The following MYPN variants were observed in gnomAD, a reference collection of about 807,000 sequenced individuals.
The protein encoded by MYPN is myopalladin, also known as sarcomeric protein myopalladin, 145 kDa (MYOP).
In MYPN, 63 loss-of-function variants were observed where a neutral mutation model predicts 129.4. The observed-to-expected ratio is 0.49, with a 90% confidence interval of 0.40 to 0.60. The LOEUF is 0.60. Among genes scored for constraint, MYPN ranks in the 20% least tolerant of loss-of-function variants. The probability of loss-of-function intolerance (pLI) is 0.00; values close to 1 mark genes in which losing one functional copy is unlikely to be tolerated. For missense variants in MYPN, 1,596 were observed against 1,635.4 expected (o/e 0.98, Z 0.42); for synonymous variants, 629 against 600.9 (o/e 1.05, Z -0.68).
At chr10:68,104,891 C>T (rs576667794), upstream of MYPN, among the ~76,000 whole-genome samples, 52 of 152,216 alleles carry the variant, frequency 3.4e-4, no homozygotes, top group Non-Finnish European at 6.5e-4. Context: ...TCAAGTGATT[C>T]TCCTGTCTCA....
At chr10:68,130,836 T>C (rs2042399105) in intron 2 of MYPN, among the ~76,000 whole-genome samples, 1 of 152,214 alleles carries the variant, frequency 6.6e-6, no homozygotes. Context: ...CCCATTTTCA[T>C]TTTTTAAGAT....
rs115247459 is a variant in MYPN at position 68,112,324 on chromosome 10, G to A, written c.-2+2601G>A. Reference sequence around the variant, plus strand: ...TCTGGCTGCAGTGTCTTTCACTAGCGCTTCCCTACATGTTTGTCATCCTCT... The same window carrying A: ...TCTGGCTGCAGTGTCTTTCACTAGCACTTCCCTACATGTTTGTCATCCTCT... On this transcript the variant is annotated intron_variant, in intron 1 of 19. Transcript: ENST00000358913. 7.0e-3 allele frequency among the ~76,000 whole-genome samples: 1,067 copies of A among 152,166 alleles called. 10 individuals carry two copies. Among genetic ancestry groups the A allele is most frequent in the African/African-American group, 0.024 (1,006 of 41,522 alleles).
Position 68,139,781 on chromosome 10 carries a change from A to G in MYPN, c.903-3159A>G, listed in dbSNP as rs369041694. On this transcript the variant is annotated intron_variant, in intron 2 of 19. Coordinates refer to ENST00000358913, the MANE Select transcript of MYPN (RefSeq NM_032578.4). ...AACTGTGAATTTTTTCCATCATTCA[A>G]TCTTTCAACAAACCCATCAAACACT... is the stretch of plus-strand genomic sequence containing the variant. Among the ~76,000 whole-genome samples, 105 of 152,308 alleles carry G rather than the reference A, an allele frequency of 6.9e-4. No individual in the cohort carries two copies. In the Middle Eastern group the frequency reaches 0.014, roughly 20 times the overall value.
chr10:68,188,775 T>C (rs1225736902), intron 12 of MYPN, 130 bp from the exon 13 acceptor site: 1 of 785,786 alleles, frequency 1.3e-6, no homozygotes, highest in East Asian at 2.7e-5. Flanking sequence ...ATCTGGAACA[T>C]ACCTGGTTCA....
At chr10:68,143,900 A>G (rs1468158309) in intron 3 of MYPN, among the ~76,000 whole-genome samples, 1 of 152,122 alleles carries the variant, frequency 6.6e-6, no homozygotes, top group Non-Finnish European at 1.5e-5. Context: ...GATTACAGGC[A>G]TGCGCCACCA....
intron 11 of MYPN, 44 bp from the exon 12 acceptor site, chr10:68,175,279 C>A (rs369741454): frequency 1.1e-5 from 17 of 1,611,490 alleles, no homozygotes; most frequent in Non-Finnish European, 1.4e-5. Context: ...TTTACCCTGG[C>A]CAGTGCTTTT....
intron 10 of MYPN, among the ~76,000 whole-genome samples, chr10:68,172,808 C>G (rs1376554075): frequency 6.6e-6 from 1 of 151,978 alleles, no homozygotes. Flanking sequence ...CACGGTGGCT[C>G]GCGCCTGTAA....
At chr10:68,090,837 A>C (rs2041927418) in intron 1 of MYPN, among the ~76,000 whole-genome samples, 1 of 152,148 alleles carries the variant, frequency 6.6e-6, no homozygotes, top group Non-Finnish European at 1.5e-5. Flanking sequence ...TGACTGTCAT[A>C]AGACCTTGGA....
At position 68,155,005 on chromosome 10, in the gene MYPN, C is replaced by T. The variant is rs1157713446; in HGVS notation, c.1318-3481C>T. On this transcript the variant is annotated intron_variant, in intron 6 of 19. Coordinates refer to ENST00000358913, the MANE Select transcript of MYPN (RefSeq NM_032578.4). The stretch of plus-strand genomic sequence containing the variant: ...GACCAGCCTGACCAAGATGGCAAAA[C>T]CCCGTCTCTAACTAAAAACACAAAA... 2.0e-5 allele frequency among the ~76,000 whole-genome samples: 3 copies of T among 151,914 alleles called. No individual in the cohort carries two copies. The East Asian group carries it at 5.8e-4, about 29-fold the overall frequency.
chr10:68,152,981 A>T (rs10997952), intron 6 of MYPN, among the ~76,000 whole-genome samples: 14,203 of 62,208 alleles, frequency 0.23, 1,016 homozygotes, highest in African/African-American at 0.3. Context: ...TATTTTATTT[A>T]TTTTATTTTA....
At chr10:68,184,510 C>T (rs1352916470) in intron 12 of MYPN, among the ~76,000 whole-genome samples, 1 of 152,178 alleles carries the variant, frequency 6.6e-6, no homozygotes, top group Non-Finnish European at 1.5e-5. Context: ...CTCACTACAA[C>T]CTCTGCCTCC....
intron 16 of MYPN, among the ~76,000 whole-genome samples, chr10:68,198,214 A>G (rs1309893412): frequency 6.6e-6 from 1 of 152,208 alleles, no homozygotes; most frequent in Non-Finnish European, 1.5e-5. Flanking sequence ...CTATAAAGCC[A>G]TATGGTGTGA....
chr10:68,148,264 A>G, intron 4 of MYPN, 89 bp from the exon 5 acceptor site: 1 of 1,029,828 alleles, frequency 9.7e-7, no homozygotes, highest in Non-Finnish European at 1.5e-6. Context: ...CTCACCTGTA[A>G]GCAGTGATGC....
chr10:68,135,463 A>G lies in MYPN; in HGVS notation c.903-7477A>G, dbSNP rs77261003. 8.6e-4 allele frequency: 848 copies of G among 981,868 alleles called. 5 individuals carry two copies. The African/African-American group carries it at 0.014, about 16-fold the overall frequency. The allele number at this position is 981,868 out of a possible 1,614,324, so 60.8% of individuals were successfully genotyped here. The stretch of plus-strand genomic sequence containing the variant: ...TTATTGTCCGATATATTCCAGTTGC[A>G]CTCTGTATATGAAGAAGAGTTACTC... On this transcript the variant is annotated intron_variant, in intron 2 of 19. Transcript: ENST00000358913.
chr10:68,144,357 C>T (rs1303345475), intron 3 of MYPN, among the ~76,000 whole-genome samples: 1 of 152,028 alleles, frequency 6.6e-6, no homozygotes, highest in Admixed American at 6.5e-5. Context: ...TATAGATGCC[C>T]ATTTATCAAC....
chr10:68,113,883 C>T (rs1362791511), intron 1 of MYPN, among the ~76,000 whole-genome samples: 1 of 152,068 alleles, frequency 6.6e-6, no homozygotes, highest in African/African-American at 2.4e-5. Flanking sequence ...ATACTTACCA[C>T]TTTTTTGTGT....
intron 12 of MYPN, among the ~76,000 whole-genome samples, chr10:68,182,627 C>T (rs1205193093): frequency 6.6e-6 from 1 of 151,560 alleles, no homozygotes; most frequent in African/African-American, 2.4e-5. Flanking sequence ...ATGCCTCAGC[C>T]TCCTGAGTAT....
Position 68,122,062 on chromosome 10 carries a change from ATCT to A in MYPN, c.628_630del (p.Ser210del), listed in dbSNP as rs749944961. 1.3e-5 allele frequency: 21 copies of A among 1,614,050 alleles called. No individual in the cohort carries two copies. The highest frequency in any genetic ancestry group is 1.6e-4 in the Middle Eastern group (1 of 6,084). On this transcript the variant is annotated inframe_deletion, in exon 2 of 20. Coordinates refer to ENST00000358913, the MANE Select transcript of MYPN (RefSeq NM_032578.4). ...CAGATCTGTCAGAAAGACGAGAAAG[ATCT>A]TCTGTTCCCATCCCTATCCCTGCGG...
intron 1 of MYPN, among the ~76,000 whole-genome samples, chr10:68,096,454 C>G (rs1473013182): frequency 6.6e-6 from 1 of 152,018 alleles, no homozygotes; most frequent in Admixed American, 6.6e-5. Context: ...CCCAGCTACT[C>G]GGGAGACTGA....
Sources: allele counts gnomAD v4.1 joint callset (sites outside exome capture counted in the v4.1 genomes callset), GRCh38; gene constraint gnomAD v4.1.1; transcripts MANE v1.5; gene names NCBI Gene and HGNC (gene_info 2026-07-23, HGNC 2026-07-21).